The following EYA4 variants were observed in gnomAD, a reference collection of about 807,000 sequenced individuals.
The protein encoded by EYA4 is EYA transcriptional coactivator and phosphatase 4.
EYA4 carries 31 observed loss-of-function variants against 87.9 expected under a neutral mutation model. The observed-to-expected ratio is 0.35, with a 90% confidence interval of 0.27 to 0.48. The LOEUF is 0.48. Ranked by LOEUF, EYA4 falls within the 20% of genes least tolerant of loss-of-function variation. The pLI is 0.99. For missense variants in EYA4, 678 were observed against 761.4 expected, an observed-to-expected ratio of 0.89 and a Z score of 1.29; for synonymous variants, 263 against 270.6, an observed-to-expected ratio of 0.97 and a Z score of 0.28.
rs1219095738 is a variant in EYA4, at chr6:133,411,002, C to T, written c.83+28561C>T. On this transcript the variant is annotated intron_variant, in intron 3 of 19. Coordinates refer to ENST00000355286, the MANE Select transcript of EYA4 (RefSeq NM_004100.5). The stretch of plus-strand genomic sequence containing the variant: ...TGACCCCAGCCTACCCCCACCACCC[C>T]CTGACTTTCTGCCCTCTCAAGCCTA... 4.6e-5 allele frequency among the ~76,000 whole-genome samples: 7 copies of T among 151,794 alleles called. No homozygotes were observed. The East Asian group carries it at 1.4e-3, about 30-fold the overall frequency.
chr6:133,477,259 C>A (rs977268039), intron 11 of EYA4, among the ~76,000 whole-genome samples: 8 of 152,066 alleles, frequency 5.3e-5, no homozygotes, highest in African/African-American at 1.9e-4. Flanking sequence ...TTTCTGTCCG[C>A]CACAGTGTCT....
At chr6:133,304,139 A>G (rs771527684) in intron 2 of EYA4, among the ~76,000 whole-genome samples, 1 of 152,212 alleles carries the variant, frequency 6.6e-6, no homozygotes, top group Non-Finnish European at 1.5e-5. Context: ...CCTTAAACAC[A>G]TAAAACTTCC....
intron 13 of EYA4, among the ~76,000 whole-genome samples, chr6:133,504,231 T>A (rs1305676880): frequency 6.6e-6 from 1 of 152,182 alleles, no homozygotes; most frequent in Non-Finnish European, 1.5e-5. Context: ...TTATTAATAA[T>A]TTTATTCTTG....
At chr6:133,320,350 G>C (rs1780988000) in intron 2 of EYA4, among the ~76,000 whole-genome samples, 1 of 151,898 alleles carries the variant, frequency 6.6e-6, no homozygotes, top group Admixed American at 6.6e-5. Flanking sequence ...TTCTTCCTGA[G>C]TGGACCTTAG....
chr6:133,521,915 T>C (rs1373689718), intron 17 of EYA4, among the ~76,000 whole-genome samples: 1 of 139,606 alleles, frequency 7.2e-6, no homozygotes, highest in East Asian at 2.2e-4. Flanking sequence ...AATTGAACAA[T>C]GAGATCACAT....
intron 1 of EYA4, among the ~76,000 whole-genome samples, chr6:133,257,173 G>T (rs531389905): frequency 6.6e-6 from 1 of 152,210 alleles, no homozygotes; most frequent in African/African-American, 2.4e-5. Flanking sequence ...TTAAGGATTT[G>T]TTATATATTT....
At chr6:133,457,077 T>C (rs1173702319) in intron 6 of EYA4, among the ~76,000 whole-genome samples, 2 of 151,686 alleles carry the variant, frequency 1.3e-5, no homozygotes, top group African/African-American at 4.9e-5. Context: ...GTTTCCTCTC[T>C]GGGTTTAAAA....
At chr6:133,268,732 A>G (rs1294037256) in intron 1 of EYA4, among the ~76,000 whole-genome samples, 1 of 152,188 alleles carries the variant, frequency 6.6e-6, no homozygotes, top group Non-Finnish European at 1.5e-5. Flanking sequence ...ATAAGCAAGA[A>G]AGGGATTAGC....
chr6:133,290,122 A>T (rs576049322), intron 2 of EYA4, among the ~76,000 whole-genome samples: 1 of 152,234 alleles, frequency 6.6e-6, no homozygotes, highest in African/African-American at 2.4e-5. Context: ...TGTATATATA[A>T]TATAAATGCA....
intron 6 of EYA4, among the ~76,000 whole-genome samples, chr6:133,458,267 A>G (rs1198150079): frequency 2.6e-5 from 4 of 152,126 alleles, no homozygotes; most frequent in Non-Finnish European, 5.9e-5. Context: ...TTTTATTTTC[A>G]TTTTCACAGC....
intron 19 of EYA4, among the ~76,000 whole-genome samples, chr6:133,525,561 A>G (rs1800568787): frequency 6.6e-6 from 1 of 152,200 alleles, no homozygotes; most frequent in Non-Finnish European, 1.5e-5. Context: ...ACATGCTTAT[A>G]TAGATGCATA....
intron 2 of EYA4, among the ~76,000 whole-genome samples, chr6:133,357,270 C>CAA (rs754202361): frequency 0.019 from 1,214 of 62,498 alleles, 68 homozygotes; most frequent in African/African-American, 0.05. Context: ...GACTCCGTCT[C>CAA]AAAAAAAAAA....
At chr6:133,403,840 C>A (rs150510001) in intron 3 of EYA4, among the ~76,000 whole-genome samples, 1 of 152,086 alleles carries the variant, frequency 6.6e-6, no homozygotes, top group Non-Finnish European at 1.5e-5. Flanking sequence ...GATGGAGTTT[C>A]GCCTTTGTTA....
chr6:133,391,222 G>GTTTTTGTTTTTT (rs1554246224), intron 3 of EYA4, among the ~76,000 whole-genome samples: 17 of 89,828 alleles, frequency 1.9e-4, no homozygotes, highest in African/African-American at 4.3e-4. Flanking sequence ...TTTTGTTTTT[G>GTTTTTGTTTTTT]TTTTTTTTTT....
chr6:133,253,675 C>T (rs984342410), intron 1 of EYA4, among the ~76,000 whole-genome samples: 1 of 151,962 alleles, frequency 6.6e-6, no homozygotes, highest in African/African-American at 2.4e-5. Context: ...TAATAATCTA[C>T]TCATCTTTCA....
chr6:133,296,978 ATTG>A (rs1312911535), intron 2 of EYA4, among the ~76,000 whole-genome samples: 11 of 152,026 alleles, frequency 7.2e-5, no homozygotes. Context: ...TTACAATTCT[ATTG>A]TTGTTATATA....
chr6:133,282,247 A>G (rs9493582), intron 2 of EYA4, among the ~76,000 whole-genome samples: 37,793 of 151,978 alleles, frequency 0.25, 5,662 homozygotes, highest in East Asian at 0.48. Context: ...AGCCTTGCCA[A>G]CATCTGTTAT....
intron 3 of EYA4, among the ~76,000 whole-genome samples, chr6:133,416,594 C>T (rs1290347328): frequency 1.3e-5 from 2 of 152,126 alleles, no homozygotes; most frequent in Non-Finnish European, 2.9e-5. Context: ...ATTTCAACAT[C>T]ATATAGATAA....
intron 3 of EYA4, among the ~76,000 whole-genome samples, chr6:133,399,376 A>G (rs1291711879): frequency 6.6e-6 from 1 of 152,164 alleles, no homozygotes. Context: ...AAACTGATAC[A>G]CAGTATTATT....
Sources: allele counts gnomAD v4.1 joint callset (sites outside exome capture counted in the v4.1 genomes callset), GRCh38; gene constraint gnomAD v4.1.1; transcripts MANE v1.5; gene names NCBI Gene and HGNC (gene_info 2026-07-23, HGNC 2026-07-21).